Variants in DTNBP1 observed in about 807,000 individuals in gnomAD.
DTNBP1 encodes the protein dysbindin.
In DTNBP1, 35 loss-of-function variants were observed where a neutral mutation model predicts 42.8. The observed-to-expected ratio is 0.82, with a 90% CI of 0.63 to 1.09. DTNBP1 has a LOEUF of 1.09. Ranked by LOEUF, DTNBP1 falls within the 50% of genes least tolerant of loss-of-function variation. The pLI, the probability that DTNBP1 is intolerant of heterozygous loss-of-function variation, is 0.00. For synonymous variants in DTNBP1, 171 were observed against 162.2 expected (o/e 1.05, Z -0.41); for missense variants, 457 against 424.2 (o/e 1.08, Z -0.68).
rs777605314 is a variant in DTNBP1, at chr6:15,533,595, G to C, written c.512-200C>G. The stretch of plus-strand genomic sequence containing the variant: ...CTTCCTCCCCCTACCTGGGCGGTCA[G>C]GGTCAGGCCCTTCGTTCCACACCTT... On this transcript the variant is annotated intron_variant, in intron 7 of 9. Coordinates refer to ENST00000344537, the MANE Select transcript of DTNBP1 (RefSeq NM_032122.5). The C allele has an allele frequency of 5.9e-6, 5 of 851,484 alleles. No individual in the cohort carries two copies. In the South Asian group the frequency reaches 6.9e-5, roughly 12 times the overall value. The allele number at this position is 851,484 out of a possible 1,614,324, so 52.7% of individuals were successfully genotyped here. A position where few individuals can be genotyped will look rare whatever the true frequency, so the allele number is the denominator to read the frequency against.
rs1308982439 is a variant in DTNBP1, at chr6:15,662,850, T to A, written c.20A>T (p.Glu7Val). 10 of 1,608,584 alleles carry A rather than the reference T, an allele frequency of 6.2e-6. No homozygotes were observed. The highest frequency in any genetic ancestry group is 7.6e-6 in the Non-Finnish European group (9 of 1,179,492). The change falls in exon 1 of 10, where the codon GAG becomes GTG. Residue 7 changes from glutamate (E) to valine (V), a missense_variant. Physicochemically the swap from Glu to Val is moderately radical, Grantham distance 121. Coordinates refer to ENST00000344537, the MANE Select transcript of DTNBP1 (RefSeq NM_032122.5). The part of the protein sequence containing the change: MLETLR[E>V]RLLSVQQDFT... ...ATCCTGCTGCACGCTCAGCAGCCGC[T>A]CGCGAAGGGTCTCCAGCATTGCCGC...
intron 7 of DTNBP1, chr6:15,585,805 A>G: frequency 1.3e-6 from 2 of 1,513,606 alleles, no homozygotes; most frequent in Non-Finnish European, 1.8e-6. Context: ...AGTGCTGGTC[A>G]AGTGAAGCCT....
intron 6 of DTNBP1, among the ~76,000 whole-genome samples, chr6:15,596,814 C>T (rs1368533142): frequency 6.6e-6 from 1 of 152,180 alleles, no homozygotes; most frequent in Non-Finnish European, 1.5e-5. Context: ...GCTACTCAAA[C>T]ATTTGCAAGA....
rs185889269 is a variant in DTNBP1 at position 15,625,981 on chromosome 6, G to A, written c.355+1362C>T. ...CTAAGACCCAGAATCTCTTTTCCATGCCCTGCCTTCAGAAATAACAAAACA... is the reference window on the plus strand; with the variant it reads ...CTAAGACCCAGAATCTCTTTTCCATACCCTGCCTTCAGAAATAACAAAACA... On this transcript the variant is annotated intron_variant, in intron 5 of 9. Coordinates refer to ENST00000344537, the MANE Select transcript of DTNBP1 (RefSeq NM_032122.5). Among the ~76,000 whole-genome samples the A allele has an allele frequency of 2.3e-4, 35 of 152,246 alleles. 1 individual carries two copies. In the East Asian group the frequency reaches 6.4e-3, roughly 28 times the overall value.
rs527616042 is a variant in DTNBP1, at chr6:15,600,925, G to C, written c.489-7844C>G. 1.1e-3 allele frequency among the ~76,000 whole-genome samples: 163 copies of C among 152,278 alleles called. 2 individuals are homozygous for C. The highest frequency in any genetic ancestry group is 3.7e-3 in the African/African-American group (154 of 41,550). The stretch of plus-strand genomic sequence containing the variant: ...AAGAGAGACCTGCACTGAATACAGT[G>C]GTTTGATAATGATCACCTTATGGCT... On this transcript the variant is annotated intron_variant, in intron 6 of 9. Transcript: ENST00000344537.
At chr6:15,638,567 G>A (rs1033957444) in intron 3 of DTNBP1, among the ~76,000 whole-genome samples, 12 of 152,166 alleles carry the variant, frequency 7.9e-5, no homozygotes, top group African/African-American at 2.9e-4. Context: ...CAGCCTCAAA[G>A]TATCTGCCCA....
chr6:15,550,009 T>C (rs1381177719), intron 7 of DTNBP1, among the ~76,000 whole-genome samples: 1 of 152,196 alleles, frequency 6.6e-6, no homozygotes, highest in Non-Finnish European at 1.5e-5. Context: ...AAGAACTTCC[T>C]GTCCAAAGGT....
chr6:15,661,445 G>A (rs1226102550), intron 1 of DTNBP1, among the ~76,000 whole-genome samples: 1 of 152,192 alleles, frequency 6.6e-6, no homozygotes. Flanking sequence ...GGATCACAAG[G>A]TCAGGAGTTC....
intron 5 of DTNBP1, among the ~76,000 whole-genome samples, chr6:15,625,062 C>G (rs1759261905): frequency 6.6e-6 from 1 of 152,196 alleles, no homozygotes; most frequent in South Asian, 2.1e-4. Flanking sequence ...TAAAACAACT[C>G]TCTCTGGGCT....
intron 9 of DTNBP1, chr6:15,523,988 A>G: frequency 7.8e-7 from 1 of 1,287,930 alleles, no homozygotes; most frequent in Non-Finnish European, 1.0e-6. Context: ...GCCCAGGTAC[A>G]GGTCTGGCAC....
At chr6:15,585,742 G>C in intron 7 of DTNBP1, 2 of 1,535,222 alleles carry the variant, frequency 1.3e-6, no homozygotes, top group Non-Finnish European at 1.7e-6. Context: ...ACTATTTTCG[G>C]TGAGTCCTGG....
chr6:15,538,867 C>T (rs908876893), intron 7 of DTNBP1, among the ~76,000 whole-genome samples: 1 of 152,204 alleles, frequency 6.6e-6, no homozygotes, highest in Non-Finnish European at 1.5e-5. Context: ...GGCATTGTTT[C>T]CTCTGGTTCA....
At chr6:15,626,324 T>C (rs889146469) in intron 5 of DTNBP1, among the ~76,000 whole-genome samples, 3 of 152,226 alleles carry the variant, frequency 2.0e-5, no homozygotes, top group African/African-American at 7.2e-5. Context: ...GCTATAAACA[T>C]TAGCTACTGT....
chr6:15,618,363 G>A (rs955761002), intron 5 of DTNBP1, among the ~76,000 whole-genome samples: 1 of 151,938 alleles, frequency 6.6e-6, no homozygotes, highest in African/African-American at 2.4e-5. Flanking sequence ...ACAGGCACTA[G>A]GGACTCCAAA....
intron 7 of DTNBP1, chr6:15,585,740 C>T (rs1463427018): frequency 2.4e-5 from 37 of 1,535,042 alleles, no homozygotes; most frequent in Non-Finnish European, 3.0e-5. Flanking sequence ...TGACTATTTT[C>T]GGTGAGTCCT....
chr6:15,626,926 G>C (rs552369484), intron 5 of DTNBP1, among the ~76,000 whole-genome samples: 2 of 152,030 alleles, frequency 1.3e-5, no homozygotes, highest in African/African-American at 4.8e-5. Flanking sequence ...TCTCCAATCC[G>C]TTTGAAGAGA....
At chr6:15,535,828 A>G (rs1773196770) in intron 7 of DTNBP1, among the ~76,000 whole-genome samples, 1 of 152,226 alleles carries the variant, frequency 6.6e-6, no homozygotes, top group Admixed American at 6.5e-5. Context: ...AATGGTTTCA[A>G]CCAAAATGCT....
chr6:15,616,349 G>A (rs1758716409), intron 5 of DTNBP1, among the ~76,000 whole-genome samples: 1 of 152,196 alleles, frequency 6.6e-6, no homozygotes, highest in South Asian at 2.1e-4. Context: ...CACTGTGCCA[G>A]TCACTGTGAT....
At chr6:15,542,184 A>G (rs1264683782) in intron 7 of DTNBP1, among the ~76,000 whole-genome samples, 1 of 152,236 alleles carries the variant, frequency 6.6e-6, no homozygotes, top group Non-Finnish European at 1.5e-5. Context: ...ATGTGACATG[A>G]TCAAGAGAGA....
Sources: gnomAD v4.1 joint callset for allele counts (sites outside exome capture counted in the v4.1 genomes callset) on GRCh38, gnomAD v4.1.1 for gene constraint, MANE v1.5 for transcripts, NCBI Gene and HGNC (gene_info 2026-07-23, HGNC 2026-07-21) for gene names.